SEC24D: variants seen among roughly 807,000 people sequenced by gnomAD.
SEC24D encodes the protein SEC24 homolog D, COPII component.
In SEC24D, 69 loss-of-function variants were observed where a neutral mutation model predicts 116.9. The ratio of observed to expected loss-of-function variants is 0.59; its 90% confidence interval spans 0.49 to 0.72. SEC24D has a LOEUF of 0.72. SEC24D is among the 30% of genes least tolerant of loss of function. The pLI, the probability that SEC24D is intolerant of heterozygous loss-of-function variation, is 0.00. For synonymous variants in SEC24D, 405 were observed against 442.8 expected, an observed-to-expected ratio of 0.91 and a Z score of 1.07; for missense variants, 1,131 against 1,264.1, an observed-to-expected ratio of 0.89 and a Z score of 1.60.
At chr4:118,805,576 T>C (rs1270444582) in intron 7 of SEC24D, among the ~76,000 whole-genome samples, 3 of 152,196 alleles carry the variant, frequency 2.0e-5, no homozygotes, top group African/African-American at 7.2e-5. Context: ...TATAAACTAA[T>C]TTAAACCCAT....
intron 8 of SEC24D, among the ~76,000 whole-genome samples, chr4:118,780,907 C>CTTTTTTTTTTTT (rs143712578): frequency 5.0e-4 from 31 of 61,882 alleles, no homozygotes; most frequent in Non-Finnish European, 6.0e-4. Flanking sequence ...GCAACCCCTG[C>CTTTTTTTTTTTT]TTTTTTTTTT....
intron 8 of SEC24D, among the ~76,000 whole-genome samples, chr4:118,783,172 C>T (rs1202995695): frequency 2.6e-5 from 4 of 152,216 alleles, no homozygotes; most frequent in Non-Finnish European, 5.9e-5. Flanking sequence ...GCAGAAATCA[C>T]CCGTCTTCTG....
At chr4:118,817,747 A>G (rs1469757064) in intron 3 of SEC24D, among the ~76,000 whole-genome samples, 2 of 152,170 alleles carry the variant, frequency 1.3e-5, no homozygotes, top group South Asian at 4.1e-4. Flanking sequence ...GAAAATCAAG[A>G]AAACAATACA....
rs1483634239 is a variant in SEC24D at position 118,805,943 on chromosome 4, A to G, written c.813T>C (p.Ile271=). The G allele has an allele frequency of 1.3e-6, 2 of 1,596,460 alleles. No homozygotes were observed. The highest frequency in any genetic ancestry group is 1.1e-5 in the South Asian group (1 of 86,966). ...CTCCTCTGCTGGCTCTATCATTCTC[A>G]ATCACCTGGATCTGATAAATAAGAC... ...PDSIPSPIQV[I]ENDRASRGGQ... Residue 271 remains isoleucine, a synonymous_variant, in exon 7 of 23, where the codon ATT becomes ATC. Transcript: ENST00000280551.
In SEC24D at chr4:118,833,620, T is replaced by C. The variant is rs555665853; in HGVS notation, c.77A>G (p.Tyr26Cys). The stretch of plus-strand genomic sequence containing the variant: ...GTGCGACGGATCCCCATAGTGCCCA[T>C]AATGAGGTGGAGAAAGGCCTATTCC... The part of the protein sequence containing the change: ...QPGIGLSPPH[Y>C]GHYGDPSHTA... The change falls in exon 2 of 23, where the codon TAT (tyrosine) becomes TGT (cysteine). Residue 26 changes from tyrosine to cysteine, a missense_variant. Coordinates refer to ENST00000280551, the MANE Select transcript of SEC24D (RefSeq NM_014822.4). 4.3e-6 allele frequency: 7 copies of C among 1,614,020 alleles called. No homozygotes were observed. The South Asian group carries it at 4.4e-5, about 10-fold the overall frequency.
intron 8 of SEC24D, among the ~76,000 whole-genome samples, chr4:118,778,545 C>A (rs1218243187): frequency 1.3e-5 from 2 of 152,200 alleles, no homozygotes; most frequent in African/African-American, 4.8e-5. Context: ...TAGTGTGATG[C>A]CTCCAGCTTT....
intron 13 of SEC24D, among the ~76,000 whole-genome samples, chr4:118,751,194 T>C (rs911021160): frequency 1.4e-5 from 2 of 147,862 alleles, no homozygotes; most frequent in Admixed American, 6.8e-5. Context: ...TTTTTTTTTT[T>C]TGAGATGTAG....
chr4:118,815,213 T>C, intron 5 of SEC24D, 58 bp from the exon 6 acceptor site: 1 of 1,594,424 alleles, frequency 6.3e-7, no homozygotes. Context: ...CATGTAAGAC[T>C]TGTTGACGAT....
At chr4:118,833,462 A>T (rs1730960941) in intron 2 of SEC24D, 117 bp downstream of exon 2, 2 of 691,426 alleles carry the variant, frequency 2.9e-6, no homozygotes, top group African/African-American at 1.8e-5. Context: ...TGTAATCTCA[A>T]GCCATTTCAT....
At chr4:118,772,540 T>C (rs966290096) in intron 8 of SEC24D, among the ~76,000 whole-genome samples, 2 of 152,194 alleles carry the variant, frequency 1.3e-5, no homozygotes, top group African/African-American at 4.8e-5. Flanking sequence ...ATTTTTAAAG[T>C]TCCTAATCCT....
At chr4:118,733,828 A>G (rs973328307) in intron 19 of SEC24D, among the ~76,000 whole-genome samples, 2 of 151,990 alleles carry the variant, frequency 1.3e-5, no homozygotes, top group African/African-American at 4.8e-5. Context: ...TAATAAACAA[A>G]TCCTTTTAAT....
intron 8 of SEC24D, among the ~76,000 whole-genome samples, chr4:118,778,022 G>A (rs1728229044): frequency 6.6e-6 from 1 of 152,062 alleles, no homozygotes; most frequent in African/African-American, 2.4e-5. Flanking sequence ...TGTCAGATGG[G>A]TAGATTGCAA....
chr4:118,782,949 A>G (rs537596596), intron 8 of SEC24D, among the ~76,000 whole-genome samples: 2 of 151,976 alleles, frequency 1.3e-5, no homozygotes, highest in Admixed American at 1.3e-4. Flanking sequence ...ATTTGCTAAG[A>G]CCATTGGAAA....
intron 2 of SEC24D, 39 bp from the exon 3 acceptor site, chr4:118,824,788 T>G (rs777231412): frequency 1.3e-6 from 2 of 1,520,512 alleles, no homozygotes; most frequent in South Asian, 2.6e-5. Context: ...TGTATTAAAG[T>G]ACAAAGAGAG....
Position 118,817,348 on chromosome 4 carries a change from G to T in SEC24D, c.313C>A (p.Gln105Lys). The part of the protein sequence containing the change: ...SSHAPYQPSA[Q>K]SSYPGPISTS... The stretch of plus-strand genomic sequence containing the variant: ...GATATAGGACCTGGATAAGAAGATT[G>T]TGCAGAGGGTTGGTATGGTGCATGT... Residue 105 changes from glutamine to lysine, a missense_variant, in exon 4 of 23, where the codon CAA (glutamine) becomes AAA (lysine). Physicochemically the swap from Gln to Lys is moderately conservative, Grantham distance 53. Transcript: ENST00000280551. 1 of 1,613,946 alleles carries T rather than the reference G, an allele frequency of 6.2e-7. No individual in the cohort carries two copies. The highest frequency in any genetic ancestry group is 8.5e-7 in the Non-Finnish European group (1 of 1,179,870).
rs200368656 is a variant in SEC24D at position 118,757,792 on chromosome 4, A to G, written c.1350T>C (p.Tyr450=). 6 of 1,611,652 alleles carry G rather than the reference A, an allele frequency of 3.7e-6. No individual in the cohort carries two copies. The highest frequency in any genetic ancestry group is 1.7e-4 in the Middle Eastern group (1 of 6,036). The part of the protein sequence containing the change: ...PAFIFMIDVS[Y]SNIKNGLVKL... ...TGACAAGTCCATTCTTTATGTTACT[A>G]TATGAAACATCAATCATGAAGATAA... Residue 450 remains tyrosine (Y), a synonymous_variant, in exon 11 of 23, where the codon TAT becomes TAC. Coordinates refer to ENST00000280551, the MANE Select transcript of SEC24D (RefSeq NM_014822.4).
intron 15 of SEC24D, among the ~76,000 whole-genome samples, chr4:118,743,679 T>C (rs1000626984): frequency 1.3e-5 from 2 of 152,164 alleles, no homozygotes; most frequent in Non-Finnish European, 2.9e-5. Context: ...TTACTTGTAA[T>C]ACCCAATACA....
At chr4:118,784,739 G>GCCC (rs35053926) in intron 8 of SEC24D, among the ~76,000 whole-genome samples, 30 of 132,308 alleles carry the variant, frequency 2.3e-4, no homozygotes, top group African/African-American at 7.0e-4. Flanking sequence ...ATCCTTCCCT[G>GCCC]CCCCCCCCCC....
At chr4:118,797,245 G>C (rs1729217032) in intron 8 of SEC24D, among the ~76,000 whole-genome samples, 1 of 152,112 alleles carries the variant, frequency 6.6e-6, no homozygotes, top group African/African-American at 2.4e-5. Context: ...CTTTAAGTAG[G>C]AGTTGATGAG....
Sources: gnomAD v4.1 joint callset for allele counts (sites outside exome capture counted in the v4.1 genomes callset) on GRCh38, gnomAD v4.1.1 for gene constraint, MANE v1.5 for transcripts, NCBI Gene and HGNC (gene_info 2026-07-23, HGNC 2026-07-21) for gene names.